PSMC6: variants seen among roughly 807,000 people sequenced by gnomAD.
PSMC6 encodes the protein proteasome 26S subunit, ATPase 6, also known as 26S proteasome regulatory subunit 10B.
In PSMC6, 3 loss-of-function variants were observed where a neutral mutation model predicts 55.9. The observed-to-expected ratio is 0.05, with a 90% CI of 0.02 to 0.14. The LOEUF is 0.14. Among genes scored for constraint, PSMC6 ranks in the 10% least tolerant of loss-of-function variants. PSMC6 has a pLI of 1.00. For synonymous variants in PSMC6, 137 were observed against 155.9 expected, an observed-to-expected ratio of 0.88 and a Z score of 0.90; for missense variants, 210 against 478.7, an observed-to-expected ratio of 0.44 and a Z score of 5.24.
chr14:52,724,631 A>G (rs1353945738), intron 13 of PSMC6, among the ~76,000 whole-genome samples: 1 of 152,180 alleles, frequency 6.6e-6, no homozygotes, highest in Non-Finnish European at 1.5e-5. Context: ...ATTTGTGTAA[A>G]ATGTAGTATT....
chr14:52,716,417 T>C (rs947618340), intron 7 of PSMC6, among the ~76,000 whole-genome samples: 7 of 152,186 alleles, frequency 4.6e-5, no homozygotes, highest in Admixed American at 2.6e-4. Context: ...AGCCAAGATA[T>C]AGAAACAGCC....
At position 52,727,995 on chromosome 14, in the gene PSMC6, T is replaced by A. The variant is rs1480925305; in HGVS notation, c.*378T>A. On this transcript the variant is annotated 3_prime_UTR_variant, in exon 14 of 14. Coordinates refer to ENST00000445930, the MANE Select transcript of PSMC6 (RefSeq NM_002806.5). ...ATCTGTTTGATTCAGTTCTCCTACA[T>A]ATATATTCTTGTCTTTTCTGAGTAT... 6.0e-6 allele frequency: 1 copy of A among 167,722 alleles called. No individual in the cohort carries two copies. Among genetic ancestry groups the A allele is most frequent in the Non-Finnish European group, 1.3e-5 (1 of 77,330 alleles). 10.4% of individuals were successfully genotyped at this position (167,722 alleles called of 1,614,324 possible).
chr14:52,726,271 C>T (rs1420708871), intron 13 of PSMC6, among the ~76,000 whole-genome samples: 4 of 152,102 alleles, frequency 2.6e-5, no homozygotes, highest in Non-Finnish European at 5.9e-5. Flanking sequence ...TGAGAAGGTA[C>T]TTGTCAAAAA....
In PSMC6 at chr14:52,714,859, CCTT is replaced by C. The variant is rs1160920960; in HGVS notation, c.529+894_529+896del. ...CCAGCCTGGCTGACAGAGTGAGACT[CCTT>C]CTCAAAAAAAAAAAAAAAAAAAAAA... is the stretch of plus-strand genomic sequence containing the variant. On this transcript the variant is annotated intron_variant, in intron 7 of 13. Transcript: ENST00000445930. Among the ~76,000 whole-genome samples the C allele has an allele frequency of 4.0e-5, 5 of 125,930 alleles. No homozygotes were observed. In the South Asian group the frequency reaches 7.7e-4, roughly 19 times the overall value. The allele number at this position is 125,930 out of a possible 152,430, so 82.6% of individuals were successfully genotyped here. A position where few individuals can be genotyped will look rare whatever the true frequency, so the allele number is the denominator to read the frequency against.
rs76712388 is a variant in PSMC6, at chr14:52,708,759, T to C, written c.206-5T>C. The stretch of plus-strand genomic sequence containing the variant: ...CAATTAGTTCTTTTATGTTTTTTCT[T>C]CTAGTCATTGTTAAAGCTACCAATG... On this transcript the variant is annotated splice_polypyrimidine_tract_variant and splice_region_variant and intron_variant, in intron 3 of 13. Coordinates refer to ENST00000445930, the MANE Select transcript of PSMC6 (RefSeq NM_002806.5). The C allele has an allele frequency of 9.8e-5, 158 of 1,612,824 alleles. No homozygotes were observed. In the East Asian group the frequency reaches 3.3e-3, roughly 33 times the overall value.
At chr14:52,709,276 T>C (rs571009309) in intron 4 of PSMC6, among the ~76,000 whole-genome samples, 141 of 152,358 alleles carry the variant, frequency 9.3e-4, no homozygotes, top group Middle Eastern at 3.4e-3. Flanking sequence ...TTTACAGTTA[T>C]CAAAGATGCC....
chr14:52,721,967 C>G (rs754306316), intron 12 of PSMC6: 3 of 152,486 alleles, frequency 2.0e-5, no homozygotes, highest in African/African-American at 4.8e-5. Context: ...CCATGTTGCC[C>G]AGGCTGATCT....
At chr14:52,723,742 A>C in intron 12 of PSMC6, 1 of 1,071,740 alleles carries the variant, frequency 9.3e-7, no homozygotes, top group Non-Finnish European at 1.2e-6. Flanking sequence ...TTTTGGTGAT[A>C]TTTCCTGTTT....
At chr14:52,719,573 A>G (rs371446082) in intron 10 of PSMC6, among the ~76,000 whole-genome samples, 2 of 152,336 alleles carry the variant, frequency 1.3e-5, no homozygotes, top group East Asian at 3.9e-4. Context: ...AAGAGTCCAA[A>G]TACATTTTCC....
chr14:52,707,279 G>A lies in PSMC6; in HGVS notation c.60G>A (p.Lys20=). 6.2e-7 allele frequency: 1 copy of A among 1,614,122 alleles called. No homozygotes were observed. The highest frequency in any genetic ancestry group is 8.5e-7 in the Non-Finnish European group (1 of 1,180,038). Residue 20 remains lysine (K), a synonymous_variant, in exon 1 of 14, where the codon AAG becomes AAA. Transcript: ENST00000445930. The part of the protein sequence containing the change: ...QDYRKKLLEH[K]EIDGRLKELR... ...ACCGCAAGAAGTTGCTTGAACACAA[G>A]GAGATCGACGGCCGTCTTAAGGAGT... is the stretch of plus-strand genomic sequence containing the variant.
chr14:52,719,056 G>T lies in PSMC6; in HGVS notation c.777+18G>T, dbSNP rs554318427. 2 of 1,584,106 alleles carry T rather than the reference G, an allele frequency of 1.3e-6. No homozygotes were observed. The highest frequency in any genetic ancestry group is 2.2e-5 in the South Asian group (2 of 89,904). ...TAATGGAGGTAATATTTGGTAAAGG[G>T]GGTTTATAAAGAAACCAATGTTTAT... On this transcript the variant is annotated intron_variant, in intron 10 of 13. Transcript: ENST00000445930.
chr14:52,715,073 G>A (rs1288900300), intron 7 of PSMC6, among the ~76,000 whole-genome samples: 1 of 151,694 alleles, frequency 6.6e-6, no homozygotes, highest in Non-Finnish European at 1.5e-5. Context: ...AGCATTAGTG[G>A]CATGAAACGG....
chr14:52,712,042 G>A (rs2041778437), intron 6 of PSMC6, among the ~76,000 whole-genome samples: 1 of 152,264 alleles, frequency 6.6e-6, no homozygotes, highest in South Asian at 2.1e-4. Context: ...AATCAGGATT[G>A]CCTTACTTCA....
At chr14:52,719,143 A>G in intron 10 of PSMC6, 105 bp downstream of exon 10, 1 of 1,018,662 alleles carries the variant, frequency 9.8e-7, no homozygotes, top group South Asian at 1.5e-5. Context: ...TTTAAATGAA[A>G]TATGAAATTT....
chr14:52,717,899 A>G (rs1042054209), intron 7 of PSMC6, among the ~76,000 whole-genome samples, 182 bp from the exon 8 acceptor site: 2 of 152,016 alleles, frequency 1.3e-5, no homozygotes, highest in East Asian at 1.9e-4. Context: ...GTGATGGCAC[A>G]TGCCTGTCAT....
chr14:52,713,057 C>T (rs1039373417), intron 6 of PSMC6, among the ~76,000 whole-genome samples: 3 of 151,974 alleles, frequency 2.0e-5, no homozygotes, highest in African/African-American at 7.2e-5. Flanking sequence ...ACAGTGAAAC[C>T]CCATCTCTTC....
intron 3 of PSMC6, 58 bp from the exon 4 acceptor site, chr14:52,708,706 G>T (rs2041731688): frequency 1.2e-6 from 2 of 1,605,246 alleles, no homozygotes; most frequent in South Asian, 1.1e-5. Context: ...TGTCAACGTG[G>T]GTATGTATTT....
At position 52,721,113 on chromosome 14, in the gene PSMC6, T is replaced by C. The variant is rs779026305; in HGVS notation, c.902T>C (p.Ile301Thr). 6.3e-6 allele frequency: 10 copies of C among 1,592,038 alleles called. No homozygotes were observed. In the South Asian group the frequency reaches 9.3e-5, roughly 15 times the overall value. The change falls in exon 12 of 14, where the codon ATT becomes ACT. Residue 301 changes from isoleucine to threonine, a missense_variant. Transcript: ENST00000445930. ...RPGRLDRKIH[I>T]DLPNEQARLD... ...TAAAATAATTTTTTATTTTCAGATA[T>C]TGATTTGCCAAATGAACAAGCAAGA...
intron 2 of PSMC6, 42 bp downstream of exon 2, chr14:52,708,430 G>C (rs2041728790): frequency 6.2e-7 from 1 of 1,612,396 alleles, no homozygotes; most frequent in African/African-American, 1.3e-5. Flanking sequence ...ATGGTAATTT[G>C]CTTTTTTATT....
Sources: allele counts gnomAD v4.1 joint callset (sites outside exome capture counted in the v4.1 genomes callset), GRCh38; gene constraint gnomAD v4.1.1; transcripts MANE v1.5; gene names NCBI Gene and HGNC (gene_info 2026-07-23, HGNC 2026-07-21).